The following RBFOX1 variants were observed in gnomAD, a reference collection of about 807,000 sequenced individuals.
RBFOX1 encodes RNA binding protein fox-1 homolog 1.
In RBFOX1, 8 loss-of-function variants were observed where a neutral mutation model predicts 57.7. That is an observed-to-expected ratio of 0.14 (90% confidence interval 0.08 to 0.25). RBFOX1 has a LOEUF of 0.25. Among genes scored for constraint, RBFOX1 ranks in the 10% least tolerant of loss-of-function variants. The probability of loss-of-function intolerance (pLI) is 1.00; values close to 1 mark genes in which losing one functional copy is unlikely to be tolerated. For synonymous variants in RBFOX1, 326 were observed against 222.4 expected (o/e 1.47, Z -4.15); for missense variants, 611 against 548.5 (o/e 1.11, Z -1.14).
chr16:7,285,642 T>C (rs2095635990), intron 4 of RBFOX1, among the ~76,000 whole-genome samples: 1 of 152,158 alleles, frequency 6.6e-6, no homozygotes, highest in Non-Finnish European at 1.5e-5. Context: ...TACCTGACTT[T>C]TAGGCATTGA....
chr16:6,606,427 C>T (rs781304883), intron 2 of RBFOX1, among the ~76,000 whole-genome samples: 9 of 152,088 alleles, frequency 5.9e-5, no homozygotes, highest in Admixed American at 2.0e-4. Context: ...CACAGGTAAA[C>T]GTGTGCCATA....
intron 2 of RBFOX1, among the ~76,000 whole-genome samples, chr16:6,630,031 A>C (rs982942320): frequency 6.7e-6 from 1 of 149,218 alleles, no homozygotes; most frequent in East Asian, 2.0e-4. Context: ...TAAACCCCTT[A>C]GTGTCATCTG....
intron 7 of RBFOX1, 117 bp from the exon 8 acceptor site, chr16:7,595,432 G>C: frequency 2.9e-6 from 2 of 692,006 alleles, no homozygotes; most frequent in Non-Finnish European, 4.5e-6. Flanking sequence ...TAATTTGCAT[G>C]TTACAGAACT....
At position 6,115,386 on chromosome 16, in the gene RBFOX1, G is replaced by A. The variant is rs181953813; in HGVS notation, c.-127+95394G>A. Among the ~76,000 whole-genome samples the A allele has an allele frequency of 2.2e-3, 329 of 152,012 alleles. 2 individuals carry two copies. Among genetic ancestry groups the A allele is most frequent in the African/African-American group, 7.5e-3 (309 of 41,360 alleles). On this transcript the variant is annotated intron_variant, in intron 1 of 15. Coordinates refer to ENST00000550418, the MANE Select transcript of RBFOX1 (RefSeq NM_018723.4). ...TTTTCCAGAGAAAAGGCAAAAAGAG[G>A]TCTTTATTATTATGATAATTTTATA...
chr16:7,120,858 C>T (rs1357600362), intron 4 of RBFOX1, among the ~76,000 whole-genome samples: 1 of 139,052 alleles, frequency 7.2e-6, no homozygotes, highest in African/African-American at 2.8e-5. Flanking sequence ...CACACACACA[C>T]ATACGTAAAC....
At chr16:6,416,468 C>T (rs552969011) in intron 2 of RBFOX1, among the ~76,000 whole-genome samples, 1 of 152,258 alleles carries the variant, frequency 6.6e-6, no homozygotes, top group African/African-American at 2.4e-5. Flanking sequence ...CCTCCTCCTT[C>T]TCCTTGTCTT....
In RBFOX1 at chr16:5,679,169, A is replaced by G. The variant is rs141979629; in HGVS notation, c.318+80208A>G. Among the ~76,000 whole-genome samples the G allele has an allele frequency of 3.5e-4, 54 of 152,318 alleles. 2 individuals carry two copies. In the East Asian group the frequency reaches 9.9e-3, roughly 28 times the overall value. On this transcript the variant is annotated intron_variant, in intron 3 of 19. Coordinates refer to the RBFOX1 transcript ENST00000641259. ...AGAGTACCCTGGAAAGGGCAAGGCTATTGAAAGTACTGTGATCTTTTCTGC... is the reference window on the plus strand; with the variant it reads ...AGAGTACCCTGGAAAGGGCAAGGCTGTTGAAAGTACTGTGATCTTTTCTGC...
At chr16:5,252,979 C>G (rs1274956767) in intron 1 of RBFOX1, among the ~76,000 whole-genome samples, 1 of 152,252 alleles carries the variant, frequency 6.6e-6, no homozygotes, top group Admixed American at 6.5e-5. Flanking sequence ...AGCCAATTGT[C>G]TTGGATCCAC....
intron 2 of RBFOX1, among the ~76,000 whole-genome samples, chr16:6,620,014 C>T (rs748015787): frequency 6.6e-6 from 1 of 152,178 alleles, no homozygotes; most frequent in African/African-American, 2.4e-5. Flanking sequence ...CCACTTCCAT[C>T]CATGTTCCTG....
chr16:6,249,376 T>G (rs1403441293), intron 1 of RBFOX1, among the ~76,000 whole-genome samples: 1 of 152,016 alleles, frequency 6.6e-6, no homozygotes, highest in Non-Finnish European at 1.5e-5. Flanking sequence ...AATACAAAAA[T>G]TAGCCAGACA....
At chr16:7,328,676 C>G (rs1603622985) in intron 4 of RBFOX1, 3 of 149,420 alleles carry the variant, frequency 2.0e-5, no homozygotes, top group Non-Finnish European at 4.4e-5. Context: ...ACTATCAAAG[C>G]CTGGCTAAGA....
At chr16:5,803,311 A>T (rs2055119136) in intron 3 of RBFOX1, among the ~76,000 whole-genome samples, 1 of 152,112 alleles carries the variant, frequency 6.6e-6, no homozygotes, top group South Asian at 2.1e-4. Flanking sequence ...GTACTATTTT[A>T]TGGTCCTCTT....
intron 4 of RBFOX1, among the ~76,000 whole-genome samples, chr16:7,432,586 C>G (rs1715779964): frequency 6.6e-6 from 1 of 152,200 alleles, no homozygotes; most frequent in Non-Finnish European, 1.5e-5. Context: ...TGGTCTCTGT[C>G]ACAACTACTC....
At chr16:7,057,900 C>G (rs530459788) in intron 4 of RBFOX1, among the ~76,000 whole-genome samples, 11 of 150,350 alleles carry the variant, frequency 7.3e-5, no homozygotes, top group Non-Finnish European at 1.5e-4. Context: ...CCCAGCTACT[C>G]CGGAGGCTGA....
intron 4 of RBFOX1, among the ~76,000 whole-genome samples, chr16:7,406,011 C>G (rs577826605): frequency 3.0e-4 from 46 of 152,286 alleles, no homozygotes; most frequent in African/African-American, 1.1e-3. Context: ...CTGCAACACA[C>G]AGAGCATATC....
At chr16:6,998,384 G>C (rs1402103987) in intron 3 of RBFOX1, among the ~76,000 whole-genome samples, 1 of 152,110 alleles carries the variant, frequency 6.6e-6, no homozygotes, top group South Asian at 2.1e-4. Flanking sequence ...TACAGATGGT[G>C]AAAACTAATC....
chr16:7,668,103 C>T (rs1418511321), intron 13 of RBFOX1, among the ~76,000 whole-genome samples: 1 of 152,168 alleles, frequency 6.6e-6, no homozygotes, highest in African/African-American at 2.4e-5. Flanking sequence ...TATATCAGAG[C>T]AGGTCAACAA....
At chr16:6,452,672 C>T (rs967686570) in intron 2 of RBFOX1, among the ~76,000 whole-genome samples, 1 of 152,184 alleles carries the variant, frequency 6.6e-6, no homozygotes, top group Non-Finnish European at 1.5e-5. Flanking sequence ...ATGGGAGCTG[C>T]CATAAATAGA....
chr16:5,290,605 G>C (rs1307603728), intron 1 of RBFOX1, among the ~76,000 whole-genome samples: 1 of 152,114 alleles, frequency 6.6e-6, no homozygotes, highest in Admixed American at 6.5e-5. Context: ...CACTTAAGGA[G>C]AGGCCTAGGG....
Sources: gnomAD v4.1 joint callset for allele counts (sites outside exome capture counted in the v4.1 genomes callset) on GRCh38, gnomAD v4.1.1 for gene constraint, MANE v1.5 for transcripts, NCBI Gene and HGNC (gene_info 2026-07-23, HGNC 2026-07-21) for gene names.